The following APBA1 variants were observed in gnomAD, a reference collection of about 807,000 sequenced individuals.
APBA1 encodes amyloid beta precursor protein binding family A member 1, also known as amyloid-beta A4 precursor protein-binding family A member 1.
Under a neutral mutation model 86.6 loss-of-function variants are expected in APBA1, and 55 were observed. That is an observed-to-expected ratio of 0.64 (90% CI 0.51 to 0.80). The LOEUF (loss-of-function observed/expected upper bound fraction) is 0.80. APBA1 is among the 30% of genes least tolerant of loss of function. APBA1 has a pLI of 0.00. For missense variants in APBA1, 1,090 were observed against 1,183.0 expected (o/e 0.92, Z 1.15); for synonymous variants, 511 against 493.9 (o/e 1.03, Z -0.46).
At chr9:69,497,667 A>G (rs1030837464) in intron 2 of APBA1, among the ~76,000 whole-genome samples, 1 of 152,022 alleles carries the variant, frequency 6.6e-6, no homozygotes, top group African/African-American at 2.4e-5. Context: ...TCCACCATGG[A>G]CCTGCTCTTT....
chr9:69,567,862 G>A (rs760100456), intron 1 of APBA1, among the ~76,000 whole-genome samples: 14 of 152,014 alleles, frequency 9.2e-5, no homozygotes, highest in African/African-American at 3.1e-4. Context: ...CTCCAAGCTC[G>A]TTCCCCAGGG....
Position 69,493,749 on chromosome 9 carries a change from G to A in APBA1, c.1201-17606C>T, listed in dbSNP as rs186731476. Among the ~76,000 whole-genome samples, 159 of 152,118 alleles carry A rather than the reference G, an allele frequency of 1.0e-3. 1 individual carries two copies. The highest frequency in any genetic ancestry group is 3.6e-3 in the African/African-American group (148 of 41,540). On this transcript the variant is annotated intron_variant, in intron 2 of 12. Coordinates refer to ENST00000265381, the MANE Select transcript of APBA1 (RefSeq NM_001163.4). ...GCATAGACACCCATTTTGTATCAGA[G>A]GAAAAGGAAGCAAAAAATAGGTTTA... is the stretch of plus-strand genomic sequence containing the variant.
intron 8 of APBA1, among the ~76,000 whole-genome samples, chr9:69,455,623 T>A (rs1835082935): frequency 6.6e-6 from 1 of 152,190 alleles, no homozygotes. Context: ...GGGTGGGCAG[T>A]GCTCCTGCTG....
chr9:69,638,789 T>G (rs887074704), intron 1 of APBA1, among the ~76,000 whole-genome samples: 2 of 152,222 alleles, frequency 1.3e-5, no homozygotes, highest in Non-Finnish European at 2.9e-5. Flanking sequence ...GATGCCTCAG[T>G]GCCCATTCAG....
At chr9:69,515,634 T>C (rs939576079) in intron 2 of APBA1, among the ~76,000 whole-genome samples, 2 of 150,196 alleles carry the variant, frequency 1.3e-5, no homozygotes, top group African/African-American at 4.9e-5. Flanking sequence ...TGTTTTTTAT[T>C]TGGCATTAGA....
intron 1 of APBA1, among the ~76,000 whole-genome samples, chr9:69,536,889 C>A (rs1317097558): frequency 2.0e-5 from 3 of 149,478 alleles, no homozygotes; most frequent in Non-Finnish European, 4.5e-5. Context: ...CAAAAAAAAA[C>A]CACAAAAAAA....
At chr9:69,557,009 T>A (rs1382129020) in intron 1 of APBA1, among the ~76,000 whole-genome samples, 4 of 152,110 alleles carry the variant, frequency 2.6e-5, no homozygotes, top group Non-Finnish European at 4.4e-5. Flanking sequence ...GACACTAAAA[T>A]CTAACAAAAT....
rs1228072554 is a variant in APBA1 at position 69,516,777 on chromosome 9, G to C, written c.434C>G (p.Ala145Gly). Reference sequence around the variant, plus strand: ...GTGGAAGTGCAGGTGGTTGGGCAGCGCGCGGCGGTGCGTGGCCTCGGCGTG... The same window carrying C: ...GTGGAAGTGCAGGTGGTTGGGCAGCCCGCGGCGGTGCGTGGCCTCGGCGTG... The part of the protein sequence containing the change: ...AEHAEATHRR[A>G]LPNHLHFHSL... The change falls in exon 2 of 13, where the codon GCG (alanine) becomes GGG (glycine). Residue 145 changes from alanine to glycine, a missense_variant. Around this residue, in one of 6 missense-constraint regions of APBA1, gnomAD observed 678 missense variants for 647.1 expected, o/e 1.05. Transcript: ENST00000265381. The surrounding 1 kb of genome is among the most constrained non-coding windows in gnomAD (Gnocchi z 7.3). 5 of 1,610,996 alleles carry C rather than the reference G, an allele frequency of 3.1e-6. No homozygotes were observed. The African/African-American group carries it at 5.3e-5, about 17-fold the overall frequency.
intron 1 of APBA1, among the ~76,000 whole-genome samples, chr9:69,595,637 T>C (rs1477783367): frequency 6.6e-6 from 1 of 152,214 alleles, no homozygotes; most frequent in African/African-American, 2.4e-5. Flanking sequence ...GGTTCATACA[T>C]GATTTTTCAG....
intron 1 of APBA1, among the ~76,000 whole-genome samples, chr9:69,558,966 C>T (rs1363172507): frequency 6.6e-6 from 1 of 152,206 alleles, no homozygotes; most frequent in African/African-American, 2.4e-5. Flanking sequence ...CACCTACCAC[C>T]TTCCATGATT....
intron 1 of APBA1, among the ~76,000 whole-genome samples, chr9:69,658,294 T>TCTTTCTCTCTC (rs1823669323): frequency 2.2e-5 from 1 of 44,522 alleles, no homozygotes; most frequent in Admixed American, 2.4e-4. Flanking sequence ...CTCTCTCTCT[T>TCTTTCTCTCTC]TCTCTCTCTC....
chr9:69,661,601 G>A (rs1022699568), intron 1 of APBA1, among the ~76,000 whole-genome samples: 3 of 13,294 alleles, frequency 2.3e-4, no homozygotes, highest in African/African-American at 2.6e-4. Context: ...GTCTGAATGT[G>A]GTTCATCCCC....
rs150599577 is a variant in APBA1 at position 69,587,780 on chromosome 9, T to G, written c.-69-70501A>C. Among the ~76,000 whole-genome samples, 1,073 of 152,138 alleles carry G rather than the reference T, an allele frequency of 7.1e-3. 13 individuals are homozygous for G. Among genetic ancestry groups the G allele is most frequent in the African/African-American group, 0.025 (1,019 of 41,518 alleles). ...TGGCTCAAGCCTGTAATCCCAGCAC[T>G]TTGGGAGGCTGAGGTAGCCGGATCA... On this transcript the variant is annotated intron_variant, in intron 1 of 12. Coordinates refer to ENST00000265381, the MANE Select transcript of APBA1 (RefSeq NM_001163.4).
At chr9:69,615,179 G>A (rs760876635) in intron 1 of APBA1, among the ~76,000 whole-genome samples, 11 of 152,168 alleles carry the variant, frequency 7.2e-5, no homozygotes, top group African/African-American at 4.8e-5. Context: ...CGGCCTGGGC[G>A]ACAGAGTGAG....
chr9:69,439,397 C>G (rs28807722), intron 11 of APBA1, among the ~76,000 whole-genome samples: 37,963 of 149,574 alleles, frequency 0.25, 5,632 homozygotes, highest in African/African-American at 0.43. Flanking sequence ...CCATTCTCCC[C>G]GTCACTTTCA....
chr9:69,550,464 A>C (rs2133927734), intron 1 of APBA1, among the ~76,000 whole-genome samples: 2 of 152,216 alleles, frequency 1.3e-5, no homozygotes, highest in South Asian at 4.1e-4. Context: ...TAATTCATTA[A>C]TGTAGGTTCT....
chr9:69,544,823 T>G (rs1163892354), intron 1 of APBA1, among the ~76,000 whole-genome samples: 1 of 152,184 alleles, frequency 6.6e-6, no homozygotes, highest in African/African-American at 2.4e-5. Context: ...CAAGGAAGGA[T>G]CCCTTCAGTA....
At chr9:69,604,659 G>T (rs539512624) in intron 1 of APBA1, among the ~76,000 whole-genome samples, 1 of 136,880 alleles carries the variant, frequency 7.3e-6, no homozygotes, top group South Asian at 2.5e-4. Context: ...CACACATGAG[G>T]GTAAGAGGAG....
chr9:69,582,802 A>C (rs1220838875), intron 1 of APBA1, among the ~76,000 whole-genome samples: 1 of 152,184 alleles, frequency 6.6e-6, no homozygotes, highest in East Asian at 1.9e-4. Flanking sequence ...TCCGCTATGA[A>C]AGTGAGAGGA....
Sources: gnomAD v4.1 joint callset for allele counts (sites outside exome capture counted in the v4.1 genomes callset) on GRCh38, gnomAD v4.1.1 for gene constraint, gnomAD v4.1.1 regional missense constraint, Gnocchi (gnomAD v3.1) non-coding constraint, MANE v1.5 for transcripts, NCBI Gene and HGNC (gene_info 2026-07-23, HGNC 2026-07-21) for gene names.